Variants in CIBAR1 observed in about 807,000 individuals in gnomAD.
CIBAR1 encodes the protein CBY1 interacting BAR domain containing 1.
A neutral mutation model predicts 44.0 loss-of-function variants in CIBAR1; 25 were observed. That is an observed-to-expected ratio of 0.57 (90% CI 0.41 to 0.79). CIBAR1 has a LOEUF of 0.79. Among genes scored for constraint, CIBAR1 ranks in the 30% least tolerant of loss-of-function variants. The pLI is 0.00. For missense variants in CIBAR1, 278 were observed against 344.8 expected, an observed-to-expected ratio of 0.81 and a Z score of 1.53; for synonymous variants, 115 against 119.0, an observed-to-expected ratio of 0.97 and a Z score of 0.22.
In CIBAR1 at chr8:93,731,099, G is replaced by A. The variant is rs1002656135; in HGVS notation, c.*2802G>A. 1.3e-5 allele frequency: 2 copies of A among 152,226 alleles called. No homozygotes were observed. The highest frequency in any genetic ancestry group is 4.8e-5 in the African/African-American group (2 of 41,442). The allele number at this position is 152,226 out of a possible 1,614,324, so 9.4% of individuals were successfully genotyped here. On this transcript the variant is annotated 3_prime_UTR_variant, in exon 9 of 9. Coordinates refer to ENST00000518322, the MANE Select transcript of CIBAR1 (RefSeq NM_145269.5). ...AGCTTGAGCCCAGGAGTTAGAAGCTGCAGTGAACCATTATCAGACCACTGC... is the reference window on the plus strand; with the variant it reads ...AGCTTGAGCCCAGGAGTTAGAAGCTACAGTGAACCATTATCAGACCACTGC...
At chr8:93,709,276 A>G (rs1178677909) in intron 5 of CIBAR1, among the ~76,000 whole-genome samples, 3 of 152,198 alleles carry the variant, frequency 2.0e-5, no homozygotes, top group Non-Finnish European at 2.9e-5. Flanking sequence ...GCAAAACTCT[A>G]TCTCAAAAAA....
chr8:93,702,782 T>C (rs1810415641), intron 2 of CIBAR1, among the ~76,000 whole-genome samples: 2 of 152,152 alleles, frequency 1.3e-5, no homozygotes, highest in Non-Finnish European at 2.9e-5. Flanking sequence ...AAATTAAGTG[T>C]ATTTGTCAAT....
At chr8:93,701,534 A>G (rs1235503938) in intron 2 of CIBAR1, 76 bp downstream of exon 2, 1 of 1,264,620 alleles carries the variant, frequency 7.9e-7, no homozygotes, top group African/African-American at 1.5e-5. Flanking sequence ...GGAAACTTTC[A>G]CTTGTAATCT....
chr8:93,708,175 A>G (rs1435805326), intron 5 of CIBAR1, among the ~76,000 whole-genome samples, 159 bp downstream of exon 5: 1 of 152,204 alleles, frequency 6.6e-6, no homozygotes, highest in African/African-American at 2.4e-5. Context: ...TTCTATGATT[A>G]ATTATTAAAT....
chr8:93,720,793 T>G (rs1011903559), intron 7 of CIBAR1: 1 of 151,884 alleles, frequency 6.6e-6, no homozygotes, highest in African/African-American at 2.4e-5. Flanking sequence ...ATCGCTTGAA[T>G]CCGGGCGTCA....
chr8:93,707,307 G>A (rs1444749608), intron 4 of CIBAR1: 1 of 332,936 alleles, frequency 3.0e-6, no homozygotes, highest in Admixed American at 3.7e-5. Flanking sequence ...CAAGTAAAGG[G>A]ATTTGAGACT....
intron 6 of CIBAR1, among the ~76,000 whole-genome samples, chr8:93,714,884 A>G (rs1287680413): frequency 2.0e-5 from 3 of 152,210 alleles, no homozygotes; most frequent in African/African-American, 7.2e-5. Context: ...GAAAAGTCAG[A>G]TTATTGATAC....
chr8:93,727,152 T>G, intron 8 of CIBAR1: 3 of 1,285,262 alleles, frequency 2.3e-6, no homozygotes, highest in South Asian at 2.5e-5. Flanking sequence ...GGCCGCAACT[T>G]GCCAAACCCT....
chr8:93,724,983 A>G (rs1191499318), intron 7 of CIBAR1, among the ~76,000 whole-genome samples: 2 of 151,472 alleles, frequency 1.3e-5, no homozygotes, highest in Non-Finnish European at 3.0e-5. Flanking sequence ...TCTTTCAGAG[A>G]AACTTTTTTT....
chr8:93,713,048 T>TC (rs1810894245), intron 6 of CIBAR1, among the ~76,000 whole-genome samples: 1 of 148,888 alleles, frequency 6.7e-6, no homozygotes, highest in South Asian at 2.2e-4. Flanking sequence ...TTTTTTTTTT[T>TC]TCGAGACAGA....
intron 6 of CIBAR1, among the ~76,000 whole-genome samples, chr8:93,710,582 C>T (rs1375794910): frequency 6.6e-6 from 1 of 151,968 alleles, no homozygotes; most frequent in African/African-American, 2.4e-5. Context: ...ACCTGTAATC[C>T]CAGCACTTTG....
At chr8:93,718,954 C>T (rs766741623) in intron 7 of CIBAR1, among the ~76,000 whole-genome samples, 166 bp downstream of exon 7, 2 of 151,880 alleles carry the variant, frequency 1.3e-5, no homozygotes, top group Non-Finnish European at 2.9e-5. Context: ...ACTTCCGTCT[C>T]GTGGGTTTAA....
At chr8:93,718,609 T>C in intron 6 of CIBAR1, 66 bp from the exon 7 acceptor site, 2 of 888,232 alleles carry the variant, frequency 2.3e-6, no homozygotes, top group Non-Finnish European at 3.5e-6. Context: ...TAGTGAGGAA[T>C]AAAGTTACTA....
In CIBAR1 at chr8:93,729,414, T is replaced by G. The variant is rs1811698850; in HGVS notation, c.*1117T>G. On this transcript the variant is annotated 3_prime_UTR_variant, in exon 9 of 9. Coordinates refer to ENST00000518322, the MANE Select transcript of CIBAR1 (RefSeq NM_145269.5). Reference sequence around the variant, plus strand: ...CAAGATATCATTGGATATTTACTGCTTCCTCACTCAGTATTTAAATTTGGT... The same window carrying G: ...CAAGATATCATTGGATATTTACTGCGTCCTCACTCAGTATTTAAATTTGGT... The G allele has an allele frequency of 1.3e-5, 2 of 152,174 alleles. No individual in the cohort carries two copies. Among genetic ancestry groups the G allele is most frequent in the Admixed American group, 1.3e-4 (2 of 15,274 alleles). 9.4% of individuals were successfully genotyped at this position (152,174 alleles called of 1,614,324 possible). A position where few individuals can be genotyped will look rare whatever the true frequency, so the allele number is the denominator to read the frequency against.
chr8:93,728,107 TTTG>T, intron 8 of CIBAR1, 95 bp from the exon 9 acceptor site: 1 of 585,956 alleles, frequency 1.7e-6, no homozygotes, highest in Non-Finnish European at 2.7e-6. Flanking sequence ...TTTTGAAATA[TTTG>T]TTGTGTGCCC....
At chr8:93,709,061 T>C (rs1810716292) in intron 5 of CIBAR1, among the ~76,000 whole-genome samples, 1 of 152,238 alleles carries the variant, frequency 6.6e-6, no homozygotes, top group African/African-American at 2.4e-5. Context: ...GGTGGATCAC[T>C]TGAGGTCAGG....
At chr8:93,714,122 A>G (rs1352393392) in intron 6 of CIBAR1, among the ~76,000 whole-genome samples, 1 of 152,130 alleles carries the variant, frequency 6.6e-6, no homozygotes, top group African/African-American at 2.4e-5. Flanking sequence ...ATTTATTTTA[A>G]TATTCTTTAA....
intron 4 of CIBAR1, among the ~76,000 whole-genome samples, chr8:93,706,689 T>G (rs1017300573): frequency 6.6e-6 from 1 of 152,154 alleles, no homozygotes; most frequent in African/African-American, 2.4e-5. Flanking sequence ...AAGCAGGTCT[T>G]TGGGTTCACA....
At chr8:93,722,693 C>G (rs1563650163) in intron 7 of CIBAR1, among the ~76,000 whole-genome samples, 1 of 151,484 alleles carries the variant, frequency 6.6e-6, no homozygotes. Flanking sequence ...GGGTGAGACT[C>G]TATCTCACAA....
Sources: allele counts gnomAD v4.1 joint callset (sites outside exome capture counted in the v4.1 genomes callset), GRCh38; gene constraint gnomAD v4.1.1; transcripts MANE v1.5; gene names NCBI Gene and HGNC (gene_info 2026-07-23, HGNC 2026-07-21).